PKP4: variants seen among roughly 807,000 people sequenced by gnomAD.
PKP4 encodes the protein plakophilin 4, also known as plakophilin-4.
A neutral mutation model predicts 145.1 loss-of-function variants in PKP4; 90 were observed. The observed-to-expected ratio is 0.62, with a 90% CI of 0.52 to 0.74. PKP4 has a LOEUF of 0.74. PKP4 is among the 30% of genes least tolerant of loss of function. PKP4 has a pLI of 0.00. For missense variants in PKP4, 1,340 were observed against 1,482.7 expected (o/e 0.90, Z 1.58); for synonymous variants, 563 against 577.2 (o/e 0.98, Z 0.35).
At chr2:158,620,756 G>C (rs2052145929) in intron 4 of PKP4, among the ~76,000 whole-genome samples, 1 of 152,100 alleles carries the variant, frequency 6.6e-6, no homozygotes, top group Non-Finnish European at 1.5e-5. Context: ...TTAATATTGA[G>C]ACTTACAATC....
At chr2:158,534,565 C>T (rs550081416) in intron 2 of PKP4, among the ~76,000 whole-genome samples, 9 of 152,214 alleles carry the variant, frequency 5.9e-5, no homozygotes, top group South Asian at 2.1e-4. Flanking sequence ...ATTTGACCCA[C>T]GGAGCTGTTA....
chr2:158,497,617 C>T (rs746184583), intron 1 of PKP4, among the ~76,000 whole-genome samples: 2 of 152,162 alleles, frequency 1.3e-5, no homozygotes, highest in Non-Finnish European at 2.9e-5. Flanking sequence ...TAAACTGTGT[C>T]ACTAGCTGAT....
At chr2:158,623,531 A>C (rs2052468323) in intron 6 of PKP4, among the ~76,000 whole-genome samples, 1 of 151,908 alleles carries the variant, frequency 6.6e-6, no homozygotes, top group Non-Finnish European at 1.5e-5. Context: ...TTTAAACCCC[A>C]TCTTTTTTGC....
At chr2:158,614,679 T>A (rs966370335) in intron 4 of PKP4, among the ~76,000 whole-genome samples, 1 of 152,188 alleles carries the variant, frequency 6.6e-6, no homozygotes, top group Non-Finnish European at 1.5e-5. Flanking sequence ...ATGCATGATA[T>A]ATGAACAGAT....
intron 20 of PKP4, among the ~76,000 whole-genome samples, chr2:158,678,344 A>C (rs541533959): frequency 6.6e-6 from 1 of 152,278 alleles, no homozygotes; most frequent in East Asian, 1.9e-4. Context: ...TTTTTGGGGA[A>C]ACACACACAG....
At chr2:158,486,970 A>G (rs1338268213) in intron 1 of PKP4, among the ~76,000 whole-genome samples, 1 of 152,240 alleles carries the variant, frequency 6.6e-6, no homozygotes, top group Non-Finnish European at 1.5e-5. Context: ...AACATTTTAA[A>G]TACAAAGGAG....
intron 16 of PKP4, among the ~76,000 whole-genome samples, chr2:158,667,997 A>G (rs934263407): frequency 6.6e-6 from 1 of 152,220 alleles, no homozygotes; most frequent in African/African-American, 2.4e-5. Context: ...CATATTTCAC[A>G]ACGCAAAGAC....
chr2:158,542,687 T>A (rs1203240064), intron 2 of PKP4, among the ~76,000 whole-genome samples: 1 of 152,188 alleles, frequency 6.6e-6, no homozygotes, highest in Non-Finnish European at 1.5e-5. Context: ...CTGACAGGTC[T>A]GCCATTGTGC....
At chr2:158,581,295 C>T (rs1400208501) in intron 3 of PKP4, among the ~76,000 whole-genome samples, 2 of 152,062 alleles carry the variant, frequency 1.3e-5, no homozygotes, top group African/African-American at 2.4e-5. Flanking sequence ...TGATTCAGTT[C>T]GTTCTTGCAT....
chr2:158,522,269 A>G (rs2042444339), intron 1 of PKP4, among the ~76,000 whole-genome samples: 1 of 152,198 alleles, frequency 6.6e-6, no homozygotes, highest in South Asian at 2.1e-4. Flanking sequence ...TTTGTGGACT[A>G]TTATCAGCTC....
chr2:158,486,287 A>G (rs1272807174), intron 1 of PKP4, among the ~76,000 whole-genome samples: 1 of 152,222 alleles, frequency 6.6e-6, no homozygotes, highest in East Asian at 1.9e-4. Flanking sequence ...GTATCTTGCA[A>G]AGTAGAATTG....
intron 3 of PKP4, among the ~76,000 whole-genome samples, chr2:158,582,801 A>G (rs1258828721): frequency 6.6e-6 from 1 of 152,220 alleles, no homozygotes; most frequent in African/African-American, 2.4e-5. Flanking sequence ...AACTAAGAGT[A>G]ATTTTCCACG....
intron 2 of PKP4, among the ~76,000 whole-genome samples, chr2:158,538,902 G>A (rs1313089656): frequency 6.6e-6 from 1 of 152,102 alleles, no homozygotes; most frequent in Non-Finnish European, 1.5e-5. Flanking sequence ...CTAGATTTAA[G>A]GTTGAGGCCA....
intron 6 of PKP4, 31 bp from the exon 7 acceptor site, chr2:158,624,847 C>T (rs1017013624): frequency 1.3e-6 from 2 of 1,530,788 alleles, no homozygotes; most frequent in African/African-American, 1.4e-5. Context: ...CCTGGATAAA[C>T]CCATTCTCTT....
chr2:158,501,052 T>C (rs1304623743), intron 1 of PKP4, among the ~76,000 whole-genome samples: 1 of 152,092 alleles, frequency 6.6e-6, no homozygotes, highest in African/African-American at 2.4e-5. Context: ...GATTTTAGAT[T>C]AGACTTGGCA....
chr2:158,597,581 G>C (rs1261162033), intron 3 of PKP4, among the ~76,000 whole-genome samples: 1 of 152,188 alleles, frequency 6.6e-6, no homozygotes, highest in Non-Finnish European at 1.5e-5. Flanking sequence ...AAGGATGATT[G>C]TTGGTCACCA....
intron 7 of PKP4, among the ~76,000 whole-genome samples, chr2:158,629,796 C>T (rs2053176862): frequency 1.3e-5 from 2 of 152,106 alleles, no homozygotes; most frequent in Admixed American, 1.3e-4. Context: ...CTGCAACCTC[C>T]CGCCCCCAGA....
At position 158,673,743 on chromosome 2, in the gene PKP4, C is replaced by G; in HGVS notation, c.2991C>G (p.Leu997=). The G allele has an allele frequency of 6.2e-7, 1 of 1,612,280 alleles. No individual in the cohort carries two copies. Among genetic ancestry groups the G allele is most frequent in the Non-Finnish European group, 8.5e-7 (1 of 1,178,402 alleles). Residue 997 remains leucine (L), a synonymous_variant, in exon 18 of 22, where the codon CTC becomes CTG. Transcript: ENST00000389759. ...VLNTLWQYRD[L]RSIYKKDGWN... is the part of the protein sequence containing the mutation. Reference sequence around the variant, plus strand: ...ATACATTATGGCAATATCGGGACCTCCGGAGCATTTATAAAAAGGTAACCT... The same window carrying G: ...ATACATTATGGCAATATCGGGACCTGCGGAGCATTTATAAAAAGGTAACCT...
At chr2:158,612,261 A>C (rs1378202124) in intron 4 of PKP4, among the ~76,000 whole-genome samples, 3 of 152,198 alleles carry the variant, frequency 2.0e-5, no homozygotes, top group Non-Finnish European at 4.4e-5. Context: ...GATACACTCT[A>C]CGTTATTCTG....
Sources: allele counts gnomAD v4.1 joint callset (sites outside exome capture counted in the v4.1 genomes callset), GRCh38; gene constraint gnomAD v4.1.1; transcripts MANE v1.5; gene names NCBI Gene and HGNC (gene_info 2026-07-23, HGNC 2026-07-21).